GRID1: variants seen among roughly 807,000 people sequenced by gnomAD.
GRID1 encodes the protein glutamate receptor ionotropic, delta-1.
In GRID1, 28 loss-of-function variants were observed where a neutral mutation model predicts 98.0. That is an observed-to-expected ratio of 0.29 (90% confidence interval 0.21 to 0.39). GRID1 has a LOEUF of 0.39. Ranked by LOEUF, GRID1 falls within the 10% of genes least tolerant of loss-of-function variation. The pLI, the probability that GRID1 is intolerant of heterozygous loss-of-function variation, is 1.00. For synonymous variants in GRID1, 553 were observed against 538.5 expected, an observed-to-expected ratio of 1.03 and a Z score of -0.37; for missense variants, 1,111 against 1,340.5, an observed-to-expected ratio of 0.83 and a Z score of 2.67.
chr10:85,822,739 G>A (rs542298679), intron 8 of GRID1, among the ~76,000 whole-genome samples: 3 of 152,090 alleles, frequency 2.0e-5, no homozygotes, highest in African/African-American at 4.8e-5. Flanking sequence ...ACATGCACAC[G>A]TATGTTTATT....
chr10:85,726,332 C>A (rs1251298419), intron 10 of GRID1, among the ~76,000 whole-genome samples: 1 of 151,910 alleles, frequency 6.6e-6, no homozygotes, highest in East Asian at 1.9e-4. Flanking sequence ...AGCCAAGGAG[C>A]CCAACAAAGG....
At chr10:86,249,977 A>T (rs996486598) in intron 2 of GRID1, among the ~76,000 whole-genome samples, 1 of 151,528 alleles carries the variant, frequency 6.6e-6, no homozygotes, top group Admixed American at 6.6e-5. Flanking sequence ...GGGTGGATAG[A>T]TGGATGGATG....
chr10:86,188,771 C>A (rs1845760672), intron 3 of GRID1, among the ~76,000 whole-genome samples: 1 of 152,168 alleles, frequency 6.6e-6, no homozygotes, highest in South Asian at 2.1e-4. Context: ...ATCAGTAATC[C>A]CATTTAATCC....
intron 2 of GRID1, among the ~76,000 whole-genome samples, chr10:86,207,584 A>ATGGTTTATGC (rs2132020456): frequency 6.7e-6 from 1 of 149,928 alleles, no homozygotes; most frequent in East Asian, 2.0e-4. Flanking sequence ...TCTCTTACTA[A>ATGGTTTATGC]TGGTTTATGC....
intron 8 of GRID1, among the ~76,000 whole-genome samples, chr10:85,851,303 G>A (rs1843056379): frequency 6.6e-6 from 1 of 152,184 alleles, no homozygotes; most frequent in African/African-American, 2.4e-5. Flanking sequence ...ACCCATGCCA[G>A]ACAGCTCCAA....
At chr10:85,629,731 C>G (rs1842954840) in intron 13 of GRID1, among the ~76,000 whole-genome samples, 1 of 151,996 alleles carries the variant, frequency 6.6e-6, no homozygotes, top group Non-Finnish European at 1.5e-5. Context: ...TGAATAGATA[C>G]CCAGTAGTGA....
chr10:86,065,241 A>C (rs904923334), intron 4 of GRID1, among the ~76,000 whole-genome samples: 1 of 152,216 alleles, frequency 6.6e-6, no homozygotes, highest in African/African-American at 2.4e-5. Flanking sequence ...TAGAAATGCA[A>C]ATTCCCAGGT....
At chr10:85,602,786 C>G (rs1291085443) in intron 15 of GRID1, 85 bp from the exon 16 acceptor site, 1 of 988,710 alleles carries the variant, frequency 1.0e-6, no homozygotes, top group Non-Finnish European at 1.5e-6. Flanking sequence ...TCTGTAGTCA[C>G]CAGGCCTGGT....
intron 8 of GRID1, among the ~76,000 whole-genome samples, chr10:85,849,992 C>T (rs1171088526): frequency 6.6e-6 from 1 of 152,200 alleles, no homozygotes; most frequent in East Asian, 1.9e-4. Context: ...GGGTCTCCCT[C>T]ATCCAGGATG....
At chr10:85,989,991 G>T (rs951704368) in intron 4 of GRID1, among the ~76,000 whole-genome samples, 5 of 152,080 alleles carry the variant, frequency 3.3e-5, no homozygotes, top group Non-Finnish European at 2.9e-5. Flanking sequence ...AAAGACAGCC[G>T]CCTGTGAACC....
At chr10:86,297,603 A>G (rs1847612915) in intron 2 of GRID1, among the ~76,000 whole-genome samples, 1 of 152,244 alleles carries the variant, frequency 6.6e-6, no homozygotes, top group African/African-American at 2.4e-5. Context: ...TATAAATAAA[A>G]AGATAATTCA....
At chr10:86,129,933 T>C (rs1047733936) in intron 4 of GRID1, among the ~76,000 whole-genome samples, 2 of 152,204 alleles carry the variant, frequency 1.3e-5, no homozygotes, top group African/African-American at 4.8e-5. Flanking sequence ...ATGCACCAGG[T>C]CTGAGCTCAG....
At chr10:86,242,426 C>A (rs1481123262) in intron 2 of GRID1, among the ~76,000 whole-genome samples, 1 of 152,174 alleles carries the variant, frequency 6.6e-6, no homozygotes, top group Non-Finnish European at 1.5e-5. Flanking sequence ...GCCACACTTC[C>A]CCTCCCAGGA....
In GRID1 at chr10:86,143,479, C is replaced by T. The variant is rs187315850; in HGVS notation, c.521-4455G>A. Reference sequence around the variant, plus strand: ...CAATGAACAGAGCTGGGACTTCCCCCACTGGGCCACACAGTTAGTGCCCCT... The same window carrying T: ...CAATGAACAGAGCTGGGACTTCCCCTACTGGGCCACACAGTTAGTGCCCCT... On this transcript the variant is annotated intron_variant, in intron 3 of 15. Transcript: ENST00000327946. Among the ~76,000 whole-genome samples, 731 of 152,314 alleles carry T rather than the reference C, an allele frequency of 4.8e-3. 5 individuals are homozygous for T. The highest frequency in any genetic ancestry group is 0.012 in the South Asian group (56 of 4,826).
At chr10:86,002,209 G>T (rs1166849406) in intron 4 of GRID1, among the ~76,000 whole-genome samples, 1 of 152,182 alleles carries the variant, frequency 6.6e-6, no homozygotes, top group African/African-American at 2.4e-5. Context: ...CATCCATGAG[G>T]TGATACAATT....
intron 3 of GRID1, among the ~76,000 whole-genome samples, chr10:86,170,997 G>A (rs956235726): frequency 3.3e-5 from 5 of 151,650 alleles, no homozygotes; most frequent in African/African-American, 4.9e-5. Flanking sequence ...GCCACCACCC[G>A]TTCAGCGTGA....
intron 8 of GRID1, among the ~76,000 whole-genome samples, chr10:85,853,700 C>T (rs1193346959): frequency 6.6e-6 from 1 of 152,214 alleles, no homozygotes; most frequent in Admixed American, 6.5e-5. Flanking sequence ...CATTGGCTCA[C>T]AGTGACCACA....
chr10:85,781,873 C>T (rs1247754885), intron 8 of GRID1, among the ~76,000 whole-genome samples: 1 of 151,328 alleles, frequency 6.6e-6, no homozygotes, highest in Non-Finnish European at 1.5e-5. Flanking sequence ...TGGATTTATA[C>T]ACAAAAATGT....
At chr10:86,047,651 A>G (rs1039536578) in intron 4 of GRID1, among the ~76,000 whole-genome samples, 4 of 152,126 alleles carry the variant, frequency 2.6e-5, no homozygotes, top group African/African-American at 9.7e-5. Context: ...GAACCCAGCA[A>G]TGATGCTGGA....
Sources: gnomAD v4.1 joint callset for allele counts (sites outside exome capture counted in the v4.1 genomes callset) on GRCh38, gnomAD v4.1.1 for gene constraint, MANE v1.5 for transcripts, NCBI Gene and HGNC (gene_info 2026-07-23, HGNC 2026-07-21) for gene names.